Variants in GLYATL2 observed in about 807,000 individuals in gnomAD.
The protein encoded by GLYATL2 is glycine N-acyltransferase-like protein 2.
A neutral mutation model predicts 21.4 loss-of-function variants in GLYATL2; 25 were observed. That is an observed-to-expected ratio of 1.17 (90% CI 0.85 to 1.63). GLYATL2 has a LOEUF of 1.63. Ranked by LOEUF, GLYATL2 falls within the 40% of genes most tolerant of loss-of-function variation. GLYATL2 has a pLI of 0.00. For synonymous variants in GLYATL2, 114 were observed against 118.2 expected, an observed-to-expected ratio of 0.96 and a Z score of 0.23; for missense variants, 361 against 343.3, an observed-to-expected ratio of 1.05 and a Z score of -0.41.
chr11:58,883,404 G>T (rs1326085083), intron 1 of GLYATL2, among the ~76,000 whole-genome samples: 1 of 152,172 alleles, frequency 6.6e-6, no homozygotes, highest in African/African-American at 2.4e-5. Flanking sequence ...CAATCCCACA[G>T]AAATACAAAC....
At position 58,837,038 on chromosome 11, in the gene GLYATL2, T is replaced by C. The variant is rs1252793106; in HGVS notation, c.453A>G (p.Leu151=). The change falls in exon 5 of 6, where the codon TTA becomes TTG. Residue 151 remains leucine (L), a synonymous_variant. Coordinates refer to ENST00000287275, the MANE Select transcript of GLYATL2 (RefSeq NM_145016.4). The part of the protein sequence containing the change: ...HKTSSNDKME[L]FEVDDDNKEG... Reference sequence around the variant, plus strand: ...ACTTGTTATCATCATCCACTTCAAATAACTCCATCTTGTCATTACTTGAGG... The same window carrying C: ...ACTTGTTATCATCATCCACTTCAAACAACTCCATCTTGTCATTACTTGAGG... 5 of 1,613,110 alleles carry C rather than the reference T, an allele frequency of 3.1e-6. No individual in the cohort carries two copies. The highest frequency in any genetic ancestry group is 4.2e-6 in the Non-Finnish European group (5 of 1,179,590).
chr11:58,849,764 C>T lies in GLYATL2; in HGVS notation n.61-11396G>A, dbSNP rs181757022. ...GAACACATGGACAAAGGGAGGGGAACATCATACACTGGAGCCTGCTGGTAG... is the reference window on the plus strand; with the variant it reads ...GAACACATGGACAAAGGGAGGGGAATATCATACACTGGAGCCTGCTGGTAG... On this transcript the variant is annotated intron_variant and non_coding_transcript_variant, in intron 1 of 4. Coordinates refer to the GLYATL2 transcript ENST00000533636. Among the ~76,000 whole-genome samples, 712 of 152,200 alleles carry T rather than the reference C, an allele frequency of 4.7e-3. 6 individuals are homozygous for T. Among genetic ancestry groups the T allele is most frequent in the African/African-American group, 0.016 (675 of 41,528 alleles).
upstream of GLYATL2, chr11:58,905,433 A>AGAAGGGCAG (rs1284334022): frequency 2.2e-6 from 1 of 452,452 alleles, no homozygotes; most frequent in African/African-American, 2.0e-5. Context: ...CATCAGCGGC[A>AGAAGGGCAG]GAAGGGCAGC....
upstream of GLYATL2, among the ~76,000 whole-genome samples, chr11:58,848,192 T>G (rs1304858179): frequency 6.6e-6 from 1 of 152,044 alleles, no homozygotes; most frequent in East Asian, 1.9e-4. Context: ...GATACCTACA[T>G]CTTTTCAAAT....
At chr11:58,889,056 C>T (rs1854494142) in intron 1 of GLYATL2, among the ~76,000 whole-genome samples, 1 of 151,624 alleles carries the variant, frequency 6.6e-6, no homozygotes, top group African/African-American at 2.4e-5. Context: ...TGTTCTATGC[C>T]ATCTGGCAAA....
intron 1 of GLYATL2, among the ~76,000 whole-genome samples, chr11:58,867,012 C>G (rs1854033730): frequency 6.7e-6 from 1 of 148,806 alleles, no homozygotes; most frequent in Non-Finnish European, 1.5e-5. Flanking sequence ...AAAGAAGCAG[C>G]CCAGAGGCCC....
intron 1 of GLYATL2, among the ~76,000 whole-genome samples, chr11:58,856,478 G>A (rs746497413): frequency 6.6e-6 from 1 of 152,036 alleles, no homozygotes; most frequent in Non-Finnish European, 1.5e-5. Flanking sequence ...CCTAGCTTTT[G>A]GACTGTCTTG....
intron 1 of GLYATL2, among the ~76,000 whole-genome samples, chr11:58,853,303 C>T (rs945510927): frequency 1.3e-5 from 2 of 152,198 alleles, no homozygotes; most frequent in Non-Finnish European, 2.9e-5. Flanking sequence ...TCAATAAAAA[C>T]AGTCAATCCT....
intron 1 of GLYATL2, among the ~76,000 whole-genome samples, chr11:58,842,492 G>A (rs1376450793): frequency 6.6e-6 from 1 of 151,134 alleles, no homozygotes; most frequent in African/African-American, 2.4e-5. Context: ...GTGTGTGTGT[G>A]TGTGTGTGTG....
intron 1 of GLYATL2, among the ~76,000 whole-genome samples, chr11:58,868,541 T>C (rs932587435): frequency 6.7e-6 from 1 of 149,206 alleles, no homozygotes; most frequent in Non-Finnish European, 1.5e-5. Flanking sequence ...TTCAGCTGTC[T>C]TTCTTGGCAA....
intron 1 of GLYATL2, among the ~76,000 whole-genome samples, chr11:58,895,064 G>A (rs1042712504): frequency 6.6e-6 from 1 of 152,102 alleles, no homozygotes; most frequent in Non-Finnish European, 1.5e-5. Context: ...GTTCATCCAG[G>A]GTGTGGGACT....
intron 1 of GLYATL2, among the ~76,000 whole-genome samples, chr11:58,852,959 C>A (rs1406222821): frequency 2.6e-5 from 4 of 152,168 alleles, no homozygotes; most frequent in Non-Finnish European, 4.4e-5. Context: ...ACCAACAATG[C>A]TAATGAGTAA....
chr11:58,839,505 C>T (rs1481582805), intron 2 of GLYATL2, 30 bp downstream of exon 2: 1 of 1,432,150 alleles, frequency 7.0e-7, no homozygotes, highest in Non-Finnish European at 9.7e-7. Context: ...TCAACCCTCT[C>T]TCTCCTTTGA....
chr11:58,877,481 G>T (rs1249213518), intron 1 of GLYATL2, among the ~76,000 whole-genome samples: 1 of 152,194 alleles, frequency 6.6e-6, no homozygotes, highest in South Asian at 2.1e-4. Context: ...GGAAGGTGTG[G>T]ATACAAATGA....
At chr11:58,907,585 G>T, upstream of GLYATL2, 1 of 341,954 alleles carries the variant, frequency 2.9e-6, no homozygotes, top group Non-Finnish European at 5.8e-6. Flanking sequence ...CTGACTACTA[G>T]TTCTATCATC....
chr11:58,870,989 A>C, intron 1 of GLYATL2, among the ~76,000 whole-genome samples: 1 of 152,210 alleles, frequency 6.6e-6, no homozygotes, highest in African/African-American at 2.4e-5. Flanking sequence ...TTAAAGAGGG[A>C]GGGGAAAAGA....
intron 1 of GLYATL2, among the ~76,000 whole-genome samples, chr11:58,855,172 T>C (rs1294878695): frequency 6.6e-6 from 1 of 152,230 alleles, no homozygotes; most frequent in African/African-American, 2.4e-5. Flanking sequence ...TTCAATTTAC[T>C]TTGCCCTGAT....
intron 1 of GLYATL2, among the ~76,000 whole-genome samples, chr11:58,890,839 A>G (rs1854530439): frequency 6.6e-6 from 1 of 151,808 alleles, no homozygotes; most frequent in Non-Finnish European, 1.5e-5. Context: ...ACTTACCAGA[A>G]GTATGTCCCT....
intron 1 of GLYATL2, among the ~76,000 whole-genome samples, chr11:58,840,497 C>T (rs939093620): frequency 7.2e-5 from 11 of 151,968 alleles, no homozygotes; most frequent in Non-Finnish European, 1.0e-4. Context: ...CATAGGAAAA[C>T]GTCTGTGTTA....
Sources: allele counts gnomAD v4.1 joint callset (sites outside exome capture counted in the v4.1 genomes callset), GRCh38; gene constraint gnomAD v4.1.1; transcripts MANE v1.5; gene names NCBI Gene and HGNC (gene_info 2026-07-23, HGNC 2026-07-21).